Variants in SPIRE1 observed in about 807,000 individuals in gnomAD.
The protein encoded by SPIRE1 is spire type actin nucleation factor 1.
In SPIRE1, 40 loss-of-function variants were observed where a neutral mutation model predicts 94.1. The ratio of observed to expected loss-of-function variants is 0.43; its 90% CI spans 0.33 to 0.55. SPIRE1 has a LOEUF of 0.55. SPIRE1 is among the 20% of genes least tolerant of loss of function. The probability of loss-of-function intolerance (pLI) is 0.06; values close to 1 mark genes in which losing one functional copy is unlikely to be tolerated. For synonymous variants in SPIRE1, 376 were observed against 371.7 expected, an observed-to-expected ratio of 1.01 and a Z score of -0.13; for missense variants, 838 against 975.2, an observed-to-expected ratio of 0.86 and a Z score of 1.87.
intron 2 of SPIRE1, among the ~76,000 whole-genome samples, chr18:12,608,107 G>A (rs555316635): frequency 1.2e-4 from 18 of 148,628 alleles, no homozygotes; most frequent in African/African-American, 3.7e-4. Flanking sequence ...GCAGTGAGCC[G>A]AGATCGCGCC....
chr18:12,654,873 C>G lies in SPIRE1; in HGVS notation c.337+2657G>C, dbSNP rs143740860. Among the ~76,000 whole-genome samples the G allele has an allele frequency of 4.1e-3, 623 of 151,402 alleles. 4 individuals carry two copies. The highest frequency in any genetic ancestry group is 0.014 in the African/African-American group (590 of 41,290). ...CGAAACCCCATTTCTACCAAAAATA[C>G]AAAAATTAGCTGGGCGTGGTGGCAT... is the stretch of plus-strand genomic sequence containing the variant. On this transcript the variant is annotated intron_variant, in intron 1 of 16. Coordinates refer to ENST00000409402, the MANE Select transcript of SPIRE1 (RefSeq NM_001128626.2).
chr18:12,573,825 C>T (rs765803615), intron 2 of SPIRE1, among the ~76,000 whole-genome samples: 17 of 151,986 alleles, frequency 1.1e-4, no homozygotes, highest in Non-Finnish European at 2.2e-4. Context: ...CTGCAAGCTC[C>T]GCCTCCCGGG....
chr18:12,558,105 T>C (rs1250538777), intron 2 of SPIRE1, among the ~76,000 whole-genome samples: 3 of 152,220 alleles, frequency 2.0e-5, no homozygotes, highest in Non-Finnish European at 4.4e-5. Flanking sequence ...TTGGTCTCAC[T>C]GACTTCAAGA....
intron 1 of SPIRE1, chr18:12,656,722 A>G: frequency 1.0e-6 from 1 of 978,638 alleles, no homozygotes; most frequent in Non-Finnish European, 1.2e-6. Flanking sequence ...CTCTTCAATG[A>G]GCATCTGAGT....
rs143999747 is a variant in SPIRE1 at position 12,634,968 on chromosome 18, C to T, written c.372+94G>A. On this transcript the variant is annotated intron_variant, in intron 2 of 16. Transcript: ENST00000409402. ...AAAAAAAAGAAATCTTATCAGAAGA[C>T]CAAGAACCTATAGTGAGATAGTTCA... The T allele has an allele frequency of 4.8e-5, 31 of 650,890 alleles. No homozygotes were observed. The African/African-American group carries it at 5.1e-4, about 11-fold the overall frequency. 40.3% of individuals were successfully genotyped at this position (650,890 alleles called of 1,614,324 possible). A position where few individuals can be genotyped will look rare whatever the true frequency, so the allele number is the denominator to read the frequency against.
At chr18:12,624,237 TAAAA>T (rs71174110) in intron 2 of SPIRE1, among the ~76,000 whole-genome samples, 1 of 146,598 alleles carries the variant, frequency 6.8e-6, no homozygotes, top group Non-Finnish European at 1.5e-5. Context: ...GGCAAATTAT[TAAAA>T]AAAAAAAAAC....
At chr18:12,585,147 A>T (rs2036361370) in intron 2 of SPIRE1, among the ~76,000 whole-genome samples, 1 of 152,200 alleles carries the variant, frequency 6.6e-6, no homozygotes, top group South Asian at 2.1e-4. Context: ...AAAAAAACTT[A>T]CAAATCAGAC....
intron 5 of SPIRE1, among the ~76,000 whole-genome samples, chr18:12,510,450 T>C (rs189525718): frequency 5.9e-5 from 9 of 152,192 alleles, no homozygotes; most frequent in Admixed American, 5.9e-4. Context: ...AAGCAACCCA[T>C]TCATATGATA....
intron 2 of SPIRE1, among the ~76,000 whole-genome samples, chr18:12,600,612 T>C (rs994882579): frequency 1.3e-5 from 2 of 152,198 alleles, no homozygotes; most frequent in South Asian, 2.1e-4. Flanking sequence ...TATTTGTGAG[T>C]TGGCACTGTA....
intron 1 of SPIRE1, among the ~76,000 whole-genome samples, chr18:12,647,737 G>A (rs2038263214): frequency 6.6e-6 from 1 of 152,140 alleles, no homozygotes; most frequent in African/African-American, 2.4e-5. Flanking sequence ...CTGGGCAACA[G>A]AGCAAAACTA....
chr18:12,607,619 ACACACACAC>A (rs1272259603), intron 2 of SPIRE1, among the ~76,000 whole-genome samples: 9 of 151,812 alleles, frequency 5.9e-5, no homozygotes, highest in Non-Finnish European at 1.0e-4. Flanking sequence ...ACACACACAC[ACACACACAC>A]ACACACACAC....
intron 2 of SPIRE1, among the ~76,000 whole-genome samples, chr18:12,574,187 C>A (rs2036032747): frequency 6.6e-6 from 1 of 152,150 alleles, no homozygotes; most frequent in African/African-American, 2.4e-5. Context: ...ATTCTCTATA[C>A]TTTCTGAACA....
At chr18:12,589,586 A>G (rs1400473971) in intron 2 of SPIRE1, among the ~76,000 whole-genome samples, 3 of 152,232 alleles carry the variant, frequency 2.0e-5, no homozygotes, top group African/African-American at 7.2e-5. Flanking sequence ...GCTCTTAGGT[A>G]GAACTAGCCT....
At chr18:12,601,772 G>C (rs1469498085) in intron 2 of SPIRE1, among the ~76,000 whole-genome samples, 1 of 152,080 alleles carries the variant, frequency 6.6e-6, no homozygotes. Context: ...CTGTTTTCGA[G>C]GTTCCTCCAT....
At chr18:12,550,126 T>C (rs1185907123) in intron 2 of SPIRE1, among the ~76,000 whole-genome samples, 1 of 152,182 alleles carries the variant, frequency 6.6e-6, no homozygotes, top group African/African-American at 2.4e-5. Flanking sequence ...GGAGTAGGTC[T>C]TCTATTCCTG....
At chr18:12,575,929 C>G (rs373102235) in intron 2 of SPIRE1, among the ~76,000 whole-genome samples, 1 of 152,224 alleles carries the variant, frequency 6.6e-6, no homozygotes, top group East Asian at 1.9e-4. Context: ...GGAGGCCAGA[C>G]GCGGTGGCTC....
intron 10 of SPIRE1, among the ~76,000 whole-genome samples, chr18:12,469,064 G>A (rs1446216708): frequency 1.3e-5 from 2 of 152,016 alleles, no homozygotes; most frequent in Non-Finnish European, 2.9e-5. Flanking sequence ...ACCCTGTCTC[G>A]AAAATAAAAG....
At chr18:12,594,616 TG>T (rs1268720146) in intron 2 of SPIRE1, among the ~76,000 whole-genome samples, 1 of 152,226 alleles carries the variant, frequency 6.6e-6, no homozygotes, top group Non-Finnish European at 1.5e-5. Flanking sequence ...TGTTGGGGAA[TG>T]GGGTTGCAAG....
At chr18:12,658,408 G>T, upstream of SPIRE1, 1 of 404,112 alleles carries the variant, frequency 2.5e-6, no homozygotes, top group Non-Finnish European at 5.1e-6. Flanking sequence ...GGGTTGTGGG[G>T]CGTGGGGGAC....
Sources: allele counts gnomAD v4.1 joint callset (sites outside exome capture counted in the v4.1 genomes callset), GRCh38; gene constraint gnomAD v4.1.1; transcripts MANE v1.5; gene names NCBI Gene and HGNC (gene_info 2026-07-23, HGNC 2026-07-21).